Variants in CADM2 observed in about 807,000 individuals in gnomAD.
The protein encoded by CADM2 is immunoglobulin superfamily member 4D.
Under a neutral mutation model 49.8 loss-of-function variants are expected in CADM2, and 12 were observed. That is an observed-to-expected ratio of 0.24 (90% CI 0.15 to 0.39). The LOEUF is 0.39. Ranked by LOEUF, CADM2 falls within the 10% of genes least tolerant of loss-of-function variation. The pLI is 1.00. For synonymous variants in CADM2, 214 were observed against 175.4 expected (o/e 1.22, Z -1.74); for missense variants, 378 against 492.3 (o/e 0.77, Z 2.20).
chr3:85,386,720 G>A (rs1463495696), intron 1 of CADM2, among the ~76,000 whole-genome samples: 1 of 152,134 alleles, frequency 6.6e-6, no homozygotes, highest in Non-Finnish European at 1.5e-5. Context: ...TGAAAACACC[G>A]TGAATACTAC....
chr3:85,824,493 T>G (rs938651000), intron 3 of CADM2, among the ~76,000 whole-genome samples: 7 of 151,960 alleles, frequency 4.6e-5, no homozygotes, highest in Non-Finnish European at 1.0e-4. Flanking sequence ...GGTATGACTC[T>G]TTTGTCACTG....
chr3:85,966,191 T>C (rs1473059282), intron 8 of CADM2, among the ~76,000 whole-genome samples: 1 of 151,498 alleles, frequency 6.6e-6, no homozygotes, highest in African/African-American at 2.4e-5. Context: ...GCAGAAAAAA[T>C]AGTAACTAAT....
intron 1 of CADM2, among the ~76,000 whole-genome samples, chr3:85,573,805 T>A (rs1338935340): frequency 6.6e-6 from 1 of 152,196 alleles, no homozygotes; most frequent in Non-Finnish European, 1.5e-5. Context: ...TCTCTGTGAC[T>A]ACTAATGTCT....
intron 1 of CADM2, among the ~76,000 whole-genome samples, chr3:85,183,524 G>A (rs1455512547): frequency 6.6e-6 from 1 of 152,110 alleles, no homozygotes; most frequent in Non-Finnish European, 1.5e-5. Flanking sequence ...CTAAGCCTGA[G>A]ACACTTTCTA....
At chr3:85,989,934 C>T (rs985707104) in intron 8 of CADM2, among the ~76,000 whole-genome samples, 3 of 125,400 alleles carry the variant, frequency 2.4e-5, no homozygotes, top group Non-Finnish European at 4.7e-5. Flanking sequence ...AATCGCTTGA[C>T]CCGGGAAGGG....
intron 1 of CADM2, among the ~76,000 whole-genome samples, chr3:85,322,754 T>C (rs999900263): frequency 6.6e-6 from 1 of 152,186 alleles, no homozygotes; most frequent in African/African-American, 2.4e-5. Flanking sequence ...TCTCTGTGCC[T>C]AAACACTGAG....
At chr3:86,008,022 C>A (rs1249471226) in intron 8 of CADM2, among the ~76,000 whole-genome samples, 1 of 152,050 alleles carries the variant, frequency 6.6e-6, no homozygotes, top group Non-Finnish European at 1.5e-5. Flanking sequence ...CATGGCTAAC[C>A]AGTTCATAAT....
chr3:85,474,596 C>T (rs914256517), intron 1 of CADM2, among the ~76,000 whole-genome samples: 1 of 151,556 alleles, frequency 6.6e-6, no homozygotes, highest in Non-Finnish European at 1.5e-5. Flanking sequence ...TAAAACACTC[C>T]CAAAAATATT....
At chr3:85,405,143 A>G (rs1490868052) in intron 1 of CADM2, among the ~76,000 whole-genome samples, 2 of 152,122 alleles carry the variant, frequency 1.3e-5, no homozygotes, top group Non-Finnish European at 2.9e-5. Flanking sequence ...TATTTGGGGT[A>G]AATGTTGCCT....
At chr3:85,274,569 C>G (rs1355808710) in intron 1 of CADM2, among the ~76,000 whole-genome samples, 1 of 151,274 alleles carries the variant, frequency 6.6e-6, no homozygotes, top group South Asian at 2.1e-4. Flanking sequence ...CTGATTCATT[C>G]GATAGTCCAA....
chr3:85,226,607 T>C (rs111773802), intron 1 of CADM2, among the ~76,000 whole-genome samples: 1 of 151,984 alleles, frequency 6.6e-6, no homozygotes, highest in African/African-American at 2.4e-5. Flanking sequence ...GTTTTTTTTT[T>C]TGTGTGTGTG....
intron 1 of CADM2, among the ~76,000 whole-genome samples, chr3:85,704,095 G>T (rs1013442961): frequency 5.9e-5 from 9 of 152,102 alleles, no homozygotes; most frequent in Admixed American, 3.9e-4. Flanking sequence ...ACTCAATACT[G>T]TTCTTTTCAT....
At chr3:84,962,371 C>T (rs1271846568) in intron 1 of CADM2, among the ~76,000 whole-genome samples, 1 of 151,618 alleles carries the variant, frequency 6.6e-6, no homozygotes, top group African/African-American at 2.4e-5. Flanking sequence ...TCAAACACTG[C>T]TCCACAGACA....
intron 1 of CADM2, among the ~76,000 whole-genome samples, chr3:85,126,331 G>A (rs988061298): frequency 6.6e-6 from 1 of 151,968 alleles, no homozygotes; most frequent in Admixed American, 6.6e-5. Flanking sequence ...GAAGTAAATA[G>A]GGACAAAACT....
At chr3:85,296,392 A>T (rs1029249412) in intron 1 of CADM2, among the ~76,000 whole-genome samples, 1 of 151,910 alleles carries the variant, frequency 6.6e-6, no homozygotes, top group African/African-American at 2.4e-5. Context: ...ACCAATATCT[A>T]GTTGTGTTCA....
chr3:85,715,336 T>G (rs1394954526), intron 1 of CADM2, among the ~76,000 whole-genome samples: 1 of 152,212 alleles, frequency 6.6e-6, no homozygotes, highest in Non-Finnish European at 1.5e-5. Context: ...AAAAGTATTT[T>G]TTTAGTTTGC....
chr3:85,862,405 A>C (rs1432600250), intron 3 of CADM2, among the ~76,000 whole-genome samples: 2 of 152,170 alleles, frequency 1.3e-5, no homozygotes, highest in African/African-American at 2.4e-5. Flanking sequence ...TAGACCATTG[A>C]AATGAAAATC....
At chr3:86,034,070 G>A (rs989185389) in intron 8 of CADM2, among the ~76,000 whole-genome samples, 15 of 151,500 alleles carry the variant, frequency 9.9e-5, no homozygotes, top group Admixed American at 4.0e-4. Flanking sequence ...CATTATTTCC[G>A]TTTACAGAGA....
chr3:85,102,941 C>T (rs2038066742), intron 1 of CADM2, among the ~76,000 whole-genome samples: 1 of 152,160 alleles, frequency 6.6e-6, no homozygotes, highest in South Asian at 2.1e-4. Flanking sequence ...GATAAGGTAA[C>T]CTAAGACACA....
Sources: allele counts gnomAD v4.1 joint callset (sites outside exome capture counted in the v4.1 genomes callset), GRCh38; gene constraint gnomAD v4.1.1; transcripts MANE v1.5; gene names NCBI Gene and HGNC (gene_info 2026-07-23, HGNC 2026-07-21).